OSCP1: variants seen among roughly 807,000 people sequenced by gnomAD.
OSCP1 encodes the protein protein OSCP1.
OSCP1 carries 35 observed loss-of-function variants against 45.1 expected under a neutral mutation model. The observed-to-expected ratio is 0.78, with a 90% CI of 0.59 to 1.03. OSCP1 has a LOEUF of 1.03. Ranked by LOEUF, OSCP1 falls within the 50% of genes least tolerant of loss-of-function variation. The pLI is 0.00. For synonymous variants in OSCP1, 179 were observed against 180.1 expected (o/e 0.99, Z 0.05); for missense variants, 400 against 470.7 (o/e 0.85, Z 1.39).
At chr1:36,431,708 C>A (rs1648370829) in intron 4 of OSCP1, 94 bp downstream of exon 4, 13 of 1,246,702 alleles carry the variant, frequency 1.0e-5, no homozygotes, top group African/African-American at 1.5e-5. Flanking sequence ...ACTAACTGGG[C>A]AAAATCTCCG....
intron 8 of OSCP1, 102 bp downstream of exon 8, chr1:36,420,374 A>T: frequency 7.5e-7 from 1 of 1,325,842 alleles, no homozygotes; most frequent in Non-Finnish European, 1.0e-6. Flanking sequence ...TGTGATATTT[A>T]CACAAATATT....
At chr1:36,449,599 G>T (rs1396343052) in intron 1 of OSCP1, among the ~76,000 whole-genome samples, 2 of 151,998 alleles carry the variant, frequency 1.3e-5, no homozygotes, top group African/African-American at 4.8e-5. Flanking sequence ...CACTTTGGGA[G>T]GCCGAGGGGG....
intron 2 of OSCP1, among the ~76,000 whole-genome samples, chr1:36,433,954 A>G (rs1648542055): frequency 6.6e-6 from 1 of 152,218 alleles, no homozygotes; most frequent in Non-Finnish European, 1.5e-5. Context: ...GAAGTCAGGG[A>G]AAGGAAGATC....
intron 1 of OSCP1, among the ~76,000 whole-genome samples, chr1:36,439,603 AT>A (rs1648992015): frequency 6.6e-6 from 1 of 152,216 alleles, no homozygotes; most frequent in South Asian, 2.1e-4. Context: ...GGGACCAACA[AT>A]GGTAATTGAC....
At chr1:36,425,583 A>C (rs1414266159) in intron 4 of OSCP1, among the ~76,000 whole-genome samples, 1 of 151,756 alleles carries the variant, frequency 6.6e-6, no homozygotes, top group Non-Finnish European at 1.5e-5. Context: ...AAATACAAAA[A>C]ATTAGCTGGG....
intron 2 of OSCP1, among the ~76,000 whole-genome samples, chr1:36,436,701 A>G (rs1265508969): frequency 1.3e-5 from 2 of 152,112 alleles, no homozygotes; most frequent in Non-Finnish European, 2.9e-5. Context: ...TTATTATTAT[A>G]TTTTACATTA....
intron 7 of OSCP1, among the ~76,000 whole-genome samples, chr1:36,421,694 C>T (rs574142421): frequency 1.2e-4 from 19 of 152,230 alleles, no homozygotes; most frequent in Non-Finnish European, 2.1e-4. Context: ...TCTGTGATCT[C>T]TCCTACAGCT....
intron 4 of OSCP1, among the ~76,000 whole-genome samples, chr1:36,424,351 G>C (rs539083929): frequency 1.3e-5 from 2 of 152,310 alleles, no homozygotes; most frequent in East Asian, 1.9e-4. Flanking sequence ...TGCCCAAAGA[G>C]AGCTAAGAGG....
At chr1:36,433,186 A>G (rs1442366205) in intron 2 of OSCP1, among the ~76,000 whole-genome samples, 1 of 152,256 alleles carries the variant, frequency 6.6e-6, no homozygotes, top group Non-Finnish European at 1.5e-5. Flanking sequence ...ATGACCATAC[A>G]TGAAAGATCA....
chr1:36,445,940 T>C (rs1557570574), intron 1 of OSCP1, among the ~76,000 whole-genome samples: 2 of 152,080 alleles, frequency 1.3e-5, no homozygotes, highest in African/African-American at 4.8e-5. Flanking sequence ...CTTGAACTCC[T>C]GACCTCAGGT....
Position 36,418,237 on chromosome 1 carries a change from C to T in OSCP1, c.1042G>A (p.Glu348Lys), listed in dbSNP as rs774526032. The part of the protein sequence containing the change: ...QATQDQQRSE[E>K]LARIMGEFEI... ...AACTCCCCCATGATTCGAGCCAGCT[C>T]CTCGCTCCGTTGCTGGTCCTATGAG... Residue 348 changes from glutamate to lysine, a missense_variant, in exon 10 of 10, where the codon GAG (glutamate) becomes AAG (lysine). Physicochemically the swap from Glu to Lys is moderately conservative, Grantham distance 56 (BLOSUM62 1). Coordinates refer to ENST00000235532, the MANE Select transcript of OSCP1 (RefSeq NM_145047.5). 2.5e-6 allele frequency: 4 copies of T among 1,614,158 alleles called. No individual in the cohort carries two copies. The highest frequency in any genetic ancestry group is 3.4e-6 in the Non-Finnish European group (4 of 1,180,024).
At chr1:36,418,376 G>T in intron 9 of OSCP1, 121 bp from the exon 10 acceptor site, 1 of 767,164 alleles carries the variant, frequency 1.3e-6, no homozygotes, top group Non-Finnish European at 2.2e-6. Flanking sequence ...GCACCTGTTT[G>T]TCAGAAAAGG....
intron 1 of OSCP1, among the ~76,000 whole-genome samples, chr1:36,439,641 C>CA (rs1648995172): frequency 6.6e-6 from 1 of 152,136 alleles, no homozygotes; most frequent in South Asian, 2.1e-4. Flanking sequence ...TGAAAATAGA[C>CA]AAGTCTACCC....
At chr1:36,423,265 A>G in intron 5 of OSCP1, 98 bp downstream of exon 5, 2 of 984,110 alleles carry the variant, frequency 2.0e-6, no homozygotes, top group Non-Finnish European at 3.3e-6. Context: ...AGGGCTGGGC[A>G]GACTGTGAGT....
In OSCP1 at chr1:36,450,275, C is replaced by T. The variant is rs1174592927; in HGVS notation, c.95G>A (p.Gly32Glu). Residue 32 changes from glycine to glutamate, a missense_variant, in exon 1 of 10, where the codon GGA becomes GAA. Physicochemically the swap from Gly to Glu is moderately conservative, Grantham distance 98. Coordinates refer to ENST00000235532, the MANE Select transcript of OSCP1 (RefSeq NM_145047.5). ...DQRLRAQNIP[G>E]DKARKVLNDI... ...CCTCTCACCTTTGCGGGCCTTGTCT[C>T]CCGGGATGTTCTGGGCCCGCAGCCG... The T allele has an allele frequency of 6.2e-7, 1 of 1,613,564 alleles. No individual in the cohort carries two copies. The highest frequency in any genetic ancestry group is 2.2e-5 in the East Asian group (1 of 44,812).
chr1:36,422,726 C>A, intron 6 of OSCP1, 42 bp downstream of exon 6: 1 of 1,449,974 alleles, frequency 6.9e-7, no homozygotes, highest in African/African-American at 1.4e-5. Context: ...AATGAAGTGA[C>A]CTCCCTTGGA....
At chr1:36,425,716 G>A (rs1647922779) in intron 4 of OSCP1, among the ~76,000 whole-genome samples, 2 of 146,908 alleles carry the variant, frequency 1.4e-5, no homozygotes, top group Non-Finnish European at 3.0e-5. Flanking sequence ...CTGGGCAACA[G>A]AGCAAGACTC....
chr1:36,447,195 A>C lies in OSCP1; in HGVS notation c.112+3063T>G, dbSNP rs1649595776. Among the ~76,000 whole-genome samples the C allele has an allele frequency of 1.3e-5, 2 of 152,212 alleles. No individual in the cohort carries two copies. Among genetic ancestry groups the C allele is most frequent in the Non-Finnish European group, 2.9e-5 (2 of 68,032 alleles). ...TACAGGGGCTCTCGCTCCTGTGGCC[A>C]CAACAACTTTAAATGGTGGAATAGG... On this transcript the variant is annotated intron_variant, in intron 1 of 9. Coordinates refer to ENST00000235532, the MANE Select transcript of OSCP1 (RefSeq NM_145047.5). This position sits in a 1 kb window ranked among gnomAD's most constrained non-coding sequence, Gnocchi z 4.1.
At chr1:36,438,084 A>G (rs1386731336) in intron 2 of OSCP1, among the ~76,000 whole-genome samples, 1 of 152,086 alleles carries the variant, frequency 6.6e-6, no homozygotes, top group African/African-American at 2.4e-5. Context: ...TTGGGAGGCC[A>G]AGGCGGGTGG....
Sources: gnomAD v4.1 joint callset for allele counts (sites outside exome capture counted in the v4.1 genomes callset) on GRCh38, gnomAD v4.1.1 for gene constraint, Gnocchi (gnomAD v3.1) non-coding constraint, MANE v1.5 for transcripts, NCBI Gene and HGNC (gene_info 2026-07-23, HGNC 2026-07-21) for gene names.